Variants in CYRIA observed in about 807,000 individuals in gnomAD.
The protein encoded by CYRIA is CYFIP-related Rac1 interactor A.
In CYRIA, 15 loss-of-function variants were observed where a neutral mutation model predicts 43.9. The observed-to-expected ratio is 0.34, with a 90% CI of 0.23 to 0.53. The LOEUF (loss-of-function observed/expected upper bound fraction) is 0.53. Ranked by LOEUF, CYRIA falls within the 20% of genes least tolerant of loss-of-function variation. CYRIA has a pLI of 0.94. For synonymous variants in CYRIA, 117 were observed against 136.0 expected, an observed-to-expected ratio of 0.86 and a Z score of 0.97; for missense variants, 236 against 394.2, an observed-to-expected ratio of 0.60 and a Z score of 3.40.
intron 1 of CYRIA, among the ~76,000 whole-genome samples, chr2:16,662,394 A>T (rs1439738237): frequency 6.6e-6 from 1 of 152,238 alleles, no homozygotes; most frequent in Non-Finnish European, 1.5e-5. Flanking sequence ...TTAGAAGGCA[A>T]GTATAATTAC....
chr2:16,585,787 G>C (rs145873639), intron 3 of CYRIA, among the ~76,000 whole-genome samples: 3 of 152,088 alleles, frequency 2.0e-5, no homozygotes, highest in Admixed American at 2.0e-4. Context: ...GGGTGGGGGC[G>C]CACAGAAGCA....
At chr2:16,636,804 A>C (rs1669509712) in intron 1 of CYRIA, among the ~76,000 whole-genome samples, 2 of 137,242 alleles carry the variant, frequency 1.5e-5, no homozygotes, top group South Asian at 4.3e-4. Context: ...CCAAAAAAAA[A>C]AATAAGAAAG....
rs189865179 is a variant in CYRIA, at chr2:16,623,873, T to A, written c.-20A>T. On this transcript the variant is annotated 5_prime_UTR_variant, in exon 2 of 12. Transcript: ENST00000381323. ...GTCAATTGTTTCTTACCTGGAAATA[T>A]CTCCTGTGATTCAGTTTCACCAATC... is the stretch of plus-strand genomic sequence containing the variant. The A allele has an allele frequency of 2.6e-5, 4 of 152,358 alleles. No homozygotes were observed. Among genetic ancestry groups the A allele is most frequent in the Non-Finnish European group, 2.9e-5 (2 of 68,046 alleles). The allele number at this position is 152,358 out of a possible 1,614,324, so 9.4% of individuals were successfully genotyped here. A position where few individuals can be genotyped will look rare whatever the true frequency, so the allele number is the denominator to read the frequency against.
chr2:16,656,109 C>T (rs976602463), intron 1 of CYRIA, among the ~76,000 whole-genome samples: 1 of 152,150 alleles, frequency 6.6e-6, no homozygotes, highest in African/African-American at 2.4e-5. Context: ...GATTCCTGCC[C>T]TCTGCAGCTC....
At chr2:16,586,959 A>T (rs868377868) in intron 3 of CYRIA, among the ~76,000 whole-genome samples, 7 of 152,112 alleles carry the variant, frequency 4.6e-5, no homozygotes, top group South Asian at 2.1e-4. Context: ...AGCAAACATA[A>T]ATGTTCCTCA....
chr2:16,593,093 T>C (rs1406676219), intron 2 of CYRIA, among the ~76,000 whole-genome samples: 1 of 152,172 alleles, frequency 6.6e-6, no homozygotes, highest in Non-Finnish European at 1.5e-5. Flanking sequence ...GAAAGCACCA[T>C]GTATACTGTA....
At chr2:16,630,894 C>A (rs533025574) in intron 1 of CYRIA, among the ~76,000 whole-genome samples, 1 of 152,188 alleles carries the variant, frequency 6.6e-6, no homozygotes, top group Admixed American at 6.5e-5. Context: ...GAGATGTCAG[C>A]GGCTGACAGC....
At chr2:16,589,787 A>G (rs905640361) in intron 2 of CYRIA, among the ~76,000 whole-genome samples, 3 of 152,106 alleles carry the variant, frequency 2.0e-5, no homozygotes, top group African/African-American at 4.8e-5. Context: ...GGATTAGCCT[A>G]TGAAAGATGG....
In CYRIA at chr2:16,549,508, C is replaced by G. The variant is rs1338474536; in HGVS notation, c.*3428G>C. 1 of 151,812 alleles carries G rather than the reference C, an allele frequency of 6.6e-6. No individual in the cohort carries two copies. Among genetic ancestry groups the G allele is most frequent in the East Asian group, 1.9e-4 (1 of 5,170 alleles). 9.4% of individuals were successfully genotyped at this position (151,812 alleles called of 1,614,324 possible). The stretch of plus-strand genomic sequence containing the variant: ...TAATTTTCATTTCACACTCAAAACT[C>G]CTGTAGAAAAAAAGGCAAAGCAGGC... On this transcript the variant is annotated 3_prime_UTR_variant, in exon 12 of 12. Transcript: ENST00000381323.
At chr2:16,589,300 C>A (rs1283341117) in intron 2 of CYRIA, among the ~76,000 whole-genome samples, 3 of 151,242 alleles carry the variant, frequency 2.0e-5, no homozygotes, top group Non-Finnish European at 2.9e-5. Context: ...TTTTAAAAAA[C>A]ACACCATTCT....
intron 9 of CYRIA, chr2:16,560,783 G>A: frequency 1.7e-6 from 1 of 580,784 alleles, no homozygotes; most frequent in Non-Finnish European, 3.1e-6. Flanking sequence ...TGGGAAGTCA[G>A]TCAACCACTT....
At chr2:16,557,735 C>T (rs1424719021) in intron 10 of CYRIA, among the ~76,000 whole-genome samples, 1 of 152,058 alleles carries the variant, frequency 6.6e-6, no homozygotes, top group Non-Finnish European at 1.5e-5. Context: ...AACTGAAAGA[C>T]TCAGTAAATA....
chr2:16,573,052 T>C (rs1667198514), intron 3 of CYRIA, among the ~76,000 whole-genome samples: 1 of 152,140 alleles, frequency 6.6e-6, no homozygotes, highest in Non-Finnish European at 1.5e-5. Flanking sequence ...CCTGACACAC[T>C]AAGAACCCAC....
At chr2:16,565,417 C>T (rs1666893000) in intron 4 of CYRIA, among the ~76,000 whole-genome samples, 1 of 152,156 alleles carries the variant, frequency 6.6e-6, no homozygotes, top group African/African-American at 2.4e-5. Flanking sequence ...AACTCCTGAC[C>T]TCAGGTGATC....
At chr2:16,599,699 A>G (rs62122737) in intron 2 of CYRIA, among the ~76,000 whole-genome samples, 27,410 of 150,220 alleles carry the variant, frequency 0.18, 3,454 homozygotes, top group African/African-American at 0.35. Context: ...CTTCTGCGTC[A>G]CTCACGCTGG....
At chr2:16,664,802 G>A (rs1446459219) in intron 1 of CYRIA, among the ~76,000 whole-genome samples, 2 of 152,270 alleles carry the variant, frequency 1.3e-5, no homozygotes, top group East Asian at 3.9e-4. Flanking sequence ...GGGAGATCAG[G>A]GCCCTAAACT....
intron 3 of CYRIA, among the ~76,000 whole-genome samples, chr2:16,584,079 C>A (rs1667643198): frequency 6.6e-6 from 1 of 152,174 alleles, no homozygotes; most frequent in Admixed American, 6.5e-5. Context: ...CAGCCTTCCT[C>A]CTTCCCACCA....
In CYRIA at chr2:16,550,386, T is replaced by C. The variant is rs1417660414; in HGVS notation, c.*2550A>G. 1 of 151,922 alleles carries C rather than the reference T, an allele frequency of 6.6e-6. No homozygotes were observed. Among genetic ancestry groups the C allele is most frequent in the African/African-American group, 2.4e-5 (1 of 41,354 alleles). The allele number at this position is 151,922 out of a possible 1,614,324, so 9.4% of individuals were successfully genotyped here. ...CGGGAGGACAGGCTGTTAAAAGAATTTGTCTCCCACAATATCTCTGGAGTG... is the reference window on the plus strand; with the variant it reads ...CGGGAGGACAGGCTGTTAAAAGAATCTGTCTCCCACAATATCTCTGGAGTG... On this transcript the variant is annotated 3_prime_UTR_variant, in exon 12 of 12. Transcript: ENST00000381323.
In CYRIA at chr2:16,585,221, G is replaced by A. The variant is rs10166490; in HGVS notation, c.70+2829C>T. ...CATCTTTAGGAAATAGGATTTTCAGGATAAAAAAATTTTTTTTCCATGGAA... is the reference window on the plus strand; with the variant it reads ...CATCTTTAGGAAATAGGATTTTCAGAATAAAAAAATTTTTTTTCCATGGAA... On this transcript the variant is annotated intron_variant, in intron 3 of 11. Transcript: ENST00000381323. Among the ~76,000 whole-genome samples, 380 of 152,114 alleles carry A rather than the reference G, an allele frequency of 2.5e-3. 1 individual carries two copies. The highest frequency in any genetic ancestry group is 8.6e-3 in the African/African-American group (355 of 41,510).
Sources: gnomAD v4.1 joint callset for allele counts (sites outside exome capture counted in the v4.1 genomes callset) on GRCh38, gnomAD v4.1.1 for gene constraint, MANE v1.5 for transcripts, NCBI Gene and HGNC (gene_info 2026-07-23, HGNC 2026-07-21) for gene names.